Variants in SRSF6 observed in about 807,000 individuals in gnomAD.
The protein encoded by SRSF6 is serine/arginine-rich splicing factor 6.
SRSF6 carries 17 observed loss-of-function variants against 42.0 expected under a neutral mutation model. That is an observed-to-expected ratio of 0.40 (90% CI 0.28 to 0.61). The LOEUF (loss-of-function observed/expected upper bound fraction) is 0.61. Among genes scored for constraint, SRSF6 ranks in the 20% least tolerant of loss-of-function variants. SRSF6 has a pLI of 0.37. For synonymous variants in SRSF6, 204 were observed against 166.7 expected, an observed-to-expected ratio of 1.22 and a Z score of -1.72; for missense variants, 379 against 471.4, an observed-to-expected ratio of 0.80 and a Z score of 1.81.
intron 2 of SRSF6, chr20:43,459,322 G>C: frequency 7.4e-7 from 1 of 1,352,116 alleles, no homozygotes; most frequent in Non-Finnish European, 9.8e-7. Context: ...GTGATGGTGA[G>C]GATTCCAAGG....
At position 43,458,475 on chromosome 20, in the gene SRSF6, T is replaced by C. The variant is rs1204925394; in HGVS notation, c.222T>C (p.Arg74=). 2 of 1,511,304 alleles carry C rather than the reference T, an allele frequency of 1.3e-6. No homozygotes were observed. Among genetic ancestry groups the C allele is most frequent in the Non-Finnish European group, 1.8e-6 (2 of 1,134,728 alleles). The allele number at this position is 1,511,304 out of a possible 1,614,324, so 93.6% of individuals were successfully genotyped here. A position where few individuals can be genotyped will look rare whatever the true frequency, so the allele number is the denominator to read the frequency against. The change falls in exon 2 of 6, where the codon CGT becomes CGC. Residue 74 remains arginine, a synonymous_variant. Coordinates refer to ENST00000244020, the MANE Select transcript of SRSF6 (RefSeq NM_006275.6). ...RVIVEHARGP[R]RDRDGYSYGS... is the part of the protein sequence containing the mutation. ...TCGTAGAGCACGCCCGGGGCCCGCG[T>C]CGCGATCGCGACGGCTACAGCTACG...
At position 43,463,279 on chromosome 20, in the gene SRSF6, T is replaced by G. The variant is rs1466539317; in HGVS notation, c.*2216T>G. 6.5e-6 allele frequency: 1 copy of G among 154,842 alleles called. No homozygotes were observed. Among genetic ancestry groups the G allele is most frequent in the Non-Finnish European group, 1.5e-5 (1 of 68,218 alleles). The allele number at this position is 154,842 out of a possible 1,614,324, so 9.6% of individuals were successfully genotyped here. A position where few individuals can be genotyped will look rare whatever the true frequency, so the allele number is the denominator to read the frequency against. On this transcript the variant is annotated 3_prime_UTR_variant, in exon 6 of 6. Transcript: ENST00000244020. Reference sequence around the variant, plus strand: ...TCAGTCACTGGATGCACAAAATCACTGTGTAACATTGGCTCACTTGGTGAG... The same window carrying G: ...TCAGTCACTGGATGCACAAAATCACGGTGTAACATTGGCTCACTTGGTGAG...
rs1600859768 is a variant in SRSF6, at chr20:43,458,002, A to G, written c.-32A>G. 1 of 1,583,142 alleles carries G rather than the reference A, an allele frequency of 6.3e-7. No homozygotes were observed. Among genetic ancestry groups the G allele is most frequent in the Non-Finnish European group, 8.6e-7 (1 of 1,160,266 alleles). On this transcript the variant is annotated 5_prime_UTR_variant, in exon 1 of 6. Transcript: ENST00000244020. ...ACTGGCTTGCGGTCCGCCGTTCGAC[A>G]ACCAGCCCTTGGGTCCCCGCCCGCC...
chr20:43,459,076 G>T, intron 2 of SRSF6: 1 of 1,297,774 alleles, frequency 7.7e-7, no homozygotes, highest in Non-Finnish European at 1.0e-6. Context: ...TTTTGGTTAT[G>T]TTAAATGTTT....
At chr20:43,458,534 G>A in intron 2 of SRSF6, 25 bp downstream of exon 2, 1 of 1,473,842 alleles carries the variant, frequency 6.8e-7, no homozygotes, top group South Asian at 1.3e-5. Context: ...CGCGCGCTCC[G>A]CGCCCTTGGG....
chr20:43,458,202 A>C (rs1306990668), intron 1 of SRSF6, 62 bp downstream of exon 1: 5 of 1,548,408 alleles, frequency 3.2e-6, no homozygotes, highest in Non-Finnish European at 4.4e-6. Context: ...GGAACTCTCC[A>C]AGGAAAGAAG....
Position 43,457,952 on chromosome 20 carries a change from C to A in SRSF6, c.-82C>A. The A allele has an allele frequency of 8.3e-7, 1 of 1,202,404 alleles. No individual in the cohort carries two copies. Among genetic ancestry groups the A allele is most frequent in the South Asian group, 1.3e-5 (1 of 77,754 alleles). 74.5% of individuals were successfully genotyped at this position (1,202,404 alleles called of 1,614,324 possible). A position where few individuals can be genotyped will look rare whatever the true frequency, so the allele number is the denominator to read the frequency against. ...TGTGAGGCGCGTGTTCGGGCTCTTG[C>A]CGTCCCCGCACCCGCACCGCGGTTA... is the stretch of plus-strand genomic sequence containing the variant. On this transcript the variant is annotated 5_prime_UTR_variant, in exon 1 of 6. Coordinates refer to ENST00000244020, the MANE Select transcript of SRSF6 (RefSeq NM_006275.6).
At chr20:43,460,446 T>C in intron 4 of SRSF6, 69 bp from the exon 5 acceptor site, 1 of 1,483,804 alleles carries the variant, frequency 6.7e-7, no homozygotes. Context: ...GCTTATCTAT[T>C]TTTGCCAGAT....
At position 43,460,694 on chromosome 20, in the gene SRSF6, C is replaced by T. The variant is rs377411180; in HGVS notation, c.675-9C>T. ...TAAGTATTGAGAAAATCGGTCTTTC[C>T]TTGTCCAGTTCCAGGTCGCGGAGCA... is the stretch of plus-strand genomic sequence containing the variant. On this transcript the variant is annotated splice_polypyrimidine_tract_variant and intron_variant, in intron 5 of 5. Coordinates refer to ENST00000244020, the MANE Select transcript of SRSF6 (RefSeq NM_006275.6). The T allele has an allele frequency of 2.5e-6, 4 of 1,612,952 alleles. No individual in the cohort carries two copies. The highest frequency in any genetic ancestry group is 1.3e-5 in the African/African-American group (1 of 75,002).
chr20:43,460,312 C>G (rs766451006), intron 4 of SRSF6, 71 bp downstream of exon 4: 1 of 1,518,160 alleles, frequency 6.6e-7, no homozygotes, highest in Non-Finnish European at 9.1e-7. Flanking sequence ...TGAGTGATGT[C>G]AATTGTTGCC....
In SRSF6 at chr20:43,457,917, G is replaced by A. The variant is rs2017520394; in HGVS notation, c.-117G>A. ...CGCCATTGTGTGGCTGGACTCGGCCGCCCCTGTGGTGTGAGGCGCGTGTTC... is the reference window on the plus strand; with the variant it reads ...CGCCATTGTGTGGCTGGACTCGGCCACCCCTGTGGTGTGAGGCGCGTGTTC... On this transcript the variant is annotated 5_prime_UTR_variant, in exon 1 of 6. Coordinates refer to ENST00000244020, the MANE Select transcript of SRSF6 (RefSeq NM_006275.6). The A allele has an allele frequency of 3.8e-6, 3 of 787,300 alleles. No individual in the cohort carries two copies. The highest frequency in any genetic ancestry group is 2.7e-5 in the Admixed American group (1 of 37,628). 48.8% of individuals were successfully genotyped at this position (787,300 alleles called of 1,614,324 possible). A position where few individuals can be genotyped will look rare whatever the true frequency, so the allele number is the denominator to read the frequency against.
At position 43,463,892 on chromosome 20, in the gene SRSF6, A is replaced by ATTTGTTT. The variant is rs2017645002; in HGVS notation, c.*2829_*2830insTTTGTTT. ...AACAGTACAAGAGAGTACCATAACA[A>ATTTGTTT]ATACAATTTTATTTACAAATATACA... On this transcript the variant is annotated 3_prime_UTR_variant, in exon 6 of 6. Coordinates refer to ENST00000244020, the MANE Select transcript of SRSF6 (RefSeq NM_006275.6). 2.0e-5 allele frequency: 3 copies of ATTTGTTT among 152,242 alleles called. No individual in the cohort carries two copies. Among genetic ancestry groups the ATTTGTTT allele is most frequent in the Admixed American group, 6.5e-5 (1 of 15,286 alleles). 9.4% of individuals were successfully genotyped at this position (152,242 alleles called of 1,614,324 possible).
rs1403904127 is a variant in SRSF6 at position 43,461,795 on chromosome 20, G to T, written c.*732G>T. 1 of 152,484 alleles carries T rather than the reference G, an allele frequency of 6.6e-6. No homozygotes were observed. The highest frequency in any genetic ancestry group is 1.5e-5 in the Non-Finnish European group (1 of 68,022). The allele number at this position is 152,484 out of a possible 1,614,324, so 9.4% of individuals were successfully genotyped here. On this transcript the variant is annotated 3_prime_UTR_variant, in exon 6 of 6. Transcript: ENST00000244020. ...TTTAGTCAATGTGTTCCATGATTTT[G>T]CTTAAATTAATACTTTTAAGTAATG...
chr20:43,459,672 C>A, intron 2 of SRSF6, 99 bp from the exon 3 acceptor site: 1 of 1,565,596 alleles, frequency 6.4e-7, no homozygotes, highest in Non-Finnish European at 8.7e-7. Flanking sequence ...CAAAGTCCTA[C>A]TCCAGTAAAT....
intron 1 of SRSF6, 31 bp downstream of exon 1, chr20:43,458,171 G>A (rs762158643): frequency 3.1e-6 from 5 of 1,595,186 alleles, no homozygotes; most frequent in South Asian, 2.2e-5. Context: ...CGCGCCCAGC[G>A]TCCCAGGCCT....
Position 43,460,717 on chromosome 20 carries a change from G to C in SRSF6, c.689G>C (p.Ser230Thr). 6.2e-7 allele frequency: 1 copy of C among 1,613,412 alleles called. No individual in the cohort carries two copies. Among genetic ancestry groups the C allele is most frequent in the Non-Finnish European group, 8.5e-7 (1 of 1,179,456 alleles). ...SKSRSRSRSR[S>T]KGRSRSRSKG... ...TCCTTGTCCAGTTCCAGGTCGCGGA[G>C]CAAAGGTCGATCACGTTCTCGATCA... The change falls in exon 6 of 6, where the codon AGC becomes ACC. Residue 230 changes from serine to threonine, a missense_variant. Around this residue, in one of 3 missense-constraint regions of SRSF6, gnomAD observed 219 missense variants for 216.1 expected, o/e 1.01. Transcript: ENST00000244020.
At chr20:43,459,658 A>G in intron 2 of SRSF6, 113 bp from the exon 3 acceptor site, 1 of 1,526,622 alleles carries the variant, frequency 6.6e-7, no homozygotes, top group Non-Finnish European at 8.9e-7. Context: ...TAGCAATATA[A>G]TAGCAAAGTC....
chr20:43,458,163 C>T (rs1232854553), intron 1 of SRSF6, 23 bp downstream of exon 1: 6 of 1,604,292 alleles, frequency 3.7e-6, no homozygotes, highest in African/African-American at 1.3e-5. Flanking sequence ...TGGGCGCCCG[C>T]GCCCAGCGTC....
At position 43,461,149 on chromosome 20, in the gene SRSF6, C is replaced by A. The variant is rs1453896411; in HGVS notation, c.*86C>A. 4.1e-6 allele frequency: 6 copies of A among 1,449,068 alleles called. No homozygotes were observed. Among genetic ancestry groups the A allele is most frequent in the Admixed American group, 2.7e-5 (1 of 37,554 alleles). The allele number at this position is 1,449,068 out of a possible 1,614,324, so 89.8% of individuals were successfully genotyped here. A position where few individuals can be genotyped will look rare whatever the true frequency, so the allele number is the denominator to read the frequency against. On this transcript the variant is annotated 3_prime_UTR_variant, in exon 6 of 6. Transcript: ENST00000244020. ...CCATGTTTATACTTGGCCTCTTCTG[C>A]AAGAGGAATCTCTTGAAAACAGGGG...
Sources: gnomAD v4.1 joint callset for allele counts on GRCh38, gnomAD v4.1.1 for gene constraint, gnomAD v4.1.1 regional missense constraint, MANE v1.5 for transcripts, NCBI Gene and HGNC (gene_info 2026-07-23, HGNC 2026-07-21) for gene names.